TULP3: variants seen among roughly 807,000 people sequenced by gnomAD.
TULP3 encodes the protein TUB like protein 3, also known as tubby-related protein 3.
A neutral mutation model predicts 50.7 loss-of-function variants in TULP3; 38 were observed. The observed-to-expected ratio is 0.75, with a 90% confidence interval of 0.58 to 0.98. The LOEUF (loss-of-function observed/expected upper bound fraction) is 0.98, where lower values mean the gene tolerates loss of function less well. TULP3 is among the 50% of genes least tolerant of loss of function. The probability of loss-of-function intolerance (pLI) is 0.00; values close to 1 mark genes in which losing one functional copy is unlikely to be tolerated. For synonymous variants in TULP3, 183 were observed against 196.6 expected (o/e 0.93, Z 0.58); for missense variants, 550 against 568.0 (o/e 0.97, Z 0.32).
chr12:2,896,191 C>T (rs564683061), intron 1 of TULP3, among the ~76,000 whole-genome samples: 1 of 152,302 alleles, frequency 6.6e-6, no homozygotes, highest in South Asian at 2.1e-4. Flanking sequence ...CCACCCGCCT[C>T]TGCCTCCCAA....
At chr12:2,922,504 C>A in intron 4 of TULP3, 102 bp downstream of exon 4, 4 of 1,462,176 alleles carry the variant, frequency 2.7e-6, no homozygotes, top group Non-Finnish European at 2.8e-6. Context: ...CTGAAAATGA[C>A]TCATGGCTTA....
chr12:2,902,405 A>G (rs991218194), intron 1 of TULP3, among the ~76,000 whole-genome samples: 2 of 152,148 alleles, frequency 1.3e-5, no homozygotes, highest in Middle Eastern at 3.2e-3. Context: ...CCTGGCAAGG[A>G]TGGTGTTTAC....
chr12:2,906,230 C>T (rs2098182140), intron 1 of TULP3, among the ~76,000 whole-genome samples: 1 of 151,092 alleles, frequency 6.6e-6, no homozygotes, highest in African/African-American at 2.4e-5. Flanking sequence ...TGGGGTTTCA[C>T]CATGTTGGCC....
intron 3 of TULP3, among the ~76,000 whole-genome samples, chr12:2,921,388 G>A (rs1406298013): frequency 3.3e-5 from 5 of 152,242 alleles, no homozygotes; most frequent in South Asian, 2.1e-4. Flanking sequence ...TGATCCACCC[G>A]CCTTGGCCTC....
intron 10 of TULP3, among the ~76,000 whole-genome samples, chr12:2,938,882 T>G (rs892093909): frequency 1.3e-5 from 2 of 152,108 alleles, no homozygotes; most frequent in Non-Finnish European, 2.9e-5. Flanking sequence ...CTGCGGAGTT[T>G]ATGACATTCC....
chr12:2,905,419 T>G (rs2098181636), intron 1 of TULP3, among the ~76,000 whole-genome samples: 1 of 152,036 alleles, frequency 6.6e-6, no homozygotes, highest in Admixed American at 6.6e-5. Context: ...CTCTTGACCT[T>G]GGGATCCACC....
At chr12:2,937,768 AAGACAGT>A (rs781755925) in intron 9 of TULP3, 39 bp downstream of exon 9, 3 of 1,496,616 alleles carry the variant, frequency 2.0e-6, no homozygotes, top group Non-Finnish European at 1.8e-6. Context: ...AAGACTCTAA[AAGACAGT>A]AGTACAATAC....
chr12:2,905,343 G>A lies in TULP3; in HGVS notation c.42-4186G>A, dbSNP rs147264524. On this transcript the variant is annotated intron_variant, in intron 1 of 10. Coordinates refer to ENST00000448120, the MANE Select transcript of TULP3 (RefSeq NM_003324.5). ...TGGGACAACAGGCATGTACCACCACGCCCAGCTAATTTTTGTATTTTTAGT... is the reference window on the plus strand; with the variant it reads ...TGGGACAACAGGCATGTACCACCACACCCAGCTAATTTTTGTATTTTTAGT... 2.6e-3 allele frequency among the ~76,000 whole-genome samples: 393 copies of A among 151,396 alleles called. 7 individuals carry two copies. The East Asian group carries it at 0.057, about 22-fold the overall frequency.
At chr12:2,917,746 G>T (rs1428659921) in intron 2 of TULP3, among the ~76,000 whole-genome samples, 1 of 151,304 alleles carries the variant, frequency 6.6e-6, no homozygotes, top group East Asian at 2.0e-4. Context: ...GCGCGGTGCC[G>T]GACGCCTGTA....
Position 2,940,754 on chromosome 12 carries a change from C to T in TULP3, c.*1310C>T, listed in dbSNP as rs2098204328. 2 of 1,530,284 alleles carry T rather than the reference C, an allele frequency of 1.3e-6. No homozygotes were observed. The highest frequency in any genetic ancestry group is 1.8e-6 in the Non-Finnish European group (2 of 1,134,252). The allele number at this position is 1,530,284 out of a possible 1,614,324, so 94.8% of individuals were successfully genotyped here. On this transcript the variant is annotated 3_prime_UTR_variant, in exon 11 of 11. Coordinates refer to ENST00000448120, the MANE Select transcript of TULP3 (RefSeq NM_003324.5). ...GAGGGCCAACTGGCAGCTGCGGGAC[C>T]CTTGGCTTGTCCCCCACCGACAAGT...
At chr12:2,933,162 C>T (rs1003169062) in intron 6 of TULP3, among the ~76,000 whole-genome samples, 1 of 152,046 alleles carries the variant, frequency 6.6e-6, no homozygotes, top group Non-Finnish European at 1.5e-5. Context: ...AGGATGGTCT[C>T]GATCTCCTGA....
intron 1 of TULP3, among the ~76,000 whole-genome samples, chr12:2,902,282 A>G (rs2098179726): frequency 6.6e-6 from 1 of 152,218 alleles, no homozygotes; most frequent in Non-Finnish European, 1.5e-5. Flanking sequence ...TCAATTTGTG[A>G]TGTTCTGAAG....
chr12:2,912,512 A>C (rs192740903), intron 2 of TULP3, among the ~76,000 whole-genome samples: 58 of 152,330 alleles, frequency 3.8e-4, no homozygotes, highest in African/African-American at 1.4e-3. Flanking sequence ...CCAGATGTAC[A>C]TTAGATTAGA....
intron 2 of TULP3, among the ~76,000 whole-genome samples, chr12:2,918,638 T>C (rs572065145): frequency 6.6e-6 from 1 of 152,186 alleles, no homozygotes; most frequent in Non-Finnish European, 1.5e-5. Flanking sequence ...CCTCCCAGGC[T>C]CAAGCGATTC....
At chr12:2,934,336 T>C (rs561779428) in intron 7 of TULP3, 111 bp from the exon 8 acceptor site, 51 of 618,060 alleles carry the variant, frequency 8.3e-5, no homozygotes, top group South Asian at 1.3e-4. Context: ...ATGATGAACA[T>C]TGAGACATTT....
At chr12:2,893,327 G>GTGTT (rs1555110455) in intron 1 of TULP3, among the ~76,000 whole-genome samples, 1 of 128,162 alleles carries the variant, frequency 7.8e-6, no homozygotes, top group Non-Finnish European at 1.6e-5. Flanking sequence ...TGTTTAATGT[G>GTGTT]TTTTTTTTTT....
intron 1 of TULP3, 134 bp from the exon 2 acceptor site, chr12:2,909,395 T>C: frequency 1.3e-6 from 1 of 761,082 alleles, no homozygotes; most frequent in Admixed American, 3.2e-5. Context: ...GTGGGTAGCC[T>C]CTAGAAGCTG....
chr12:2,895,433 G>A (rs1028164453), intron 1 of TULP3, among the ~76,000 whole-genome samples: 4 of 152,152 alleles, frequency 2.6e-5, no homozygotes, highest in African/African-American at 9.7e-5. Context: ...AGATGTCAAA[G>A]GAATTCTTTT....
intron 2 of TULP3, among the ~76,000 whole-genome samples, 166 bp downstream of exon 2, chr12:2,909,746 A>G (rs903855532): frequency 6.6e-6 from 1 of 152,170 alleles, no homozygotes; most frequent in African/African-American, 2.4e-5. Flanking sequence ...TTGCTGAACC[A>G]AGGCTCTGGC....
Sources: allele counts gnomAD v4.1 joint callset (sites outside exome capture counted in the v4.1 genomes callset), GRCh38; gene constraint gnomAD v4.1.1; transcripts MANE v1.5; gene names NCBI Gene and HGNC (gene_info 2026-07-23, HGNC 2026-07-21).